SORBS2: variants seen among roughly 807,000 people sequenced by gnomAD.
SORBS2 encodes sorbin and SH3 domain containing 2.
A neutral mutation model predicts 97.7 loss-of-function variants in SORBS2; 46 were observed. The ratio of observed to expected loss-of-function variants is 0.47; its 90% CI spans 0.37 to 0.60. SORBS2 has a LOEUF of 0.60. SORBS2 is among the 20% of genes least tolerant of loss of function. The pLI, the probability that SORBS2 is intolerant of heterozygous loss-of-function variation, is 0.00. For missense variants in SORBS2, 1,316 were observed against 1,282.3 expected (o/e 1.03, Z -0.40); for synonymous variants, 476 against 473.4 (o/e 1.01, Z -0.07).
chr4:185,765,631 A>G (rs2098930229), intron 2 of SORBS2, among the ~76,000 whole-genome samples: 1 of 152,212 alleles, frequency 6.6e-6, no homozygotes, highest in Admixed American at 6.5e-5. Context: ...ATGTGAGACA[A>G]AAAAACACGT....
intron 1 of SORBS2, among the ~76,000 whole-genome samples, chr4:185,952,927 T>C (rs1056306410): frequency 1.3e-5 from 2 of 152,140 alleles, no homozygotes; most frequent in African/African-American, 4.8e-5. Flanking sequence ...CACATTCCCA[T>C]TAAGGTTACA....
At chr4:185,593,520 C>T (rs2096007298) in intron 13 of SORBS2, 2 of 198,202 alleles carry the variant, frequency 1.0e-5, no homozygotes, top group South Asian at 2.4e-4. Context: ...TTTACCGTCT[C>T]CCAGTGGGTG....
At chr4:185,594,935 G>C (rs1382407275) in intron 12 of SORBS2, among the ~76,000 whole-genome samples, 1 of 152,182 alleles carries the variant, frequency 6.6e-6, no homozygotes, top group Non-Finnish European at 1.5e-5. Context: ...ATAGCTATTA[G>C]ATCCATGTCC....
intron 4 of SORBS2, chr4:185,638,086 C>T: frequency 6.3e-7 from 1 of 1,594,096 alleles, no homozygotes; most frequent in Non-Finnish European, 8.6e-7. Flanking sequence ...TACCGGGCGT[C>T]CAAACTCCAG....
At chr4:185,638,207 C>A (rs776518258) in intron 4 of SORBS2, 45 bp from the exon 15 acceptor site, 22 of 1,170,472 alleles carry the variant, frequency 1.9e-5, no homozygotes, top group Non-Finnish European at 2.6e-5. Flanking sequence ...GCACACTGAG[C>A]AAAGTGAGGG....
chr4:185,884,739 A>T (rs756939928), intron 1 of SORBS2, among the ~76,000 whole-genome samples: 34 of 152,304 alleles, frequency 2.2e-4, no homozygotes, highest in Middle Eastern at 3.4e-3. Flanking sequence ...GACTCCTAAG[A>T]GGTTTCCAAC....
At chr4:185,767,403 G>A (rs1390119984) in intron 2 of SORBS2, among the ~76,000 whole-genome samples, 2 of 142,076 alleles carry the variant, frequency 1.4e-5, no homozygotes, top group African/African-American at 2.6e-5. Flanking sequence ...GGGAGGCTGA[G>A]GCAGGGGAAT....
intron 1 of SORBS2, among the ~76,000 whole-genome samples, chr4:185,914,089 T>C (rs1054379178): frequency 2.6e-5 from 4 of 152,250 alleles, no homozygotes; most frequent in Non-Finnish European, 5.9e-5. Flanking sequence ...CTCTTCAGTC[T>C]GAAATTCCAT....
chr4:185,770,081 ATT>A (rs34286752), intron 2 of SORBS2, among the ~76,000 whole-genome samples: 24 of 145,804 alleles, frequency 1.6e-4, no homozygotes, highest in South Asian at 2.2e-4. Flanking sequence ...GCCGGATGGC[ATT>A]TTTTTTTTTT....
chr4:185,937,487 G>A (rs914719846), intron 1 of SORBS2, among the ~76,000 whole-genome samples: 2 of 152,198 alleles, frequency 1.3e-5, no homozygotes, highest in African/African-American at 2.4e-5. Flanking sequence ...GCACTAAAGT[G>A]CTTAACTTCA....
At chr4:185,908,352 CAT>C (rs1223931562) in intron 1 of SORBS2, among the ~76,000 whole-genome samples, 3 of 103,276 alleles carry the variant, frequency 2.9e-5, no homozygotes, top group East Asian at 6.1e-4. Context: ...TATATATACA[CAT>C]ATATATACAT....
At chr4:185,896,167 A>G (rs1048579756) in intron 1 of SORBS2, among the ~76,000 whole-genome samples, 2 of 152,238 alleles carry the variant, frequency 1.3e-5, no homozygotes, top group Non-Finnish European at 2.9e-5. Flanking sequence ...GGAATTTGTC[A>G]TGGGAAATAG....
chr4:185,624,103 G>A (rs2096768193), exon 7 of SORBS2: 2 of 1,614,204 alleles, frequency 1.2e-6, no homozygotes, highest in South Asian at 2.2e-5. Flanking sequence ...ACCTGTGTCT[G>A]ATCCTTGATC....
intron 1 of SORBS2, among the ~76,000 whole-genome samples, chr4:185,781,522 C>G (rs1026258284): frequency 6.1e-5 from 9 of 146,736 alleles, no homozygotes; most frequent in Non-Finnish European, 7.7e-5. Context: ...CATTGCCTCC[C>G]GCCTCTCCAG....
chr4:185,608,071 T>C (rs749148969), intron 12 of SORBS2, among the ~76,000 whole-genome samples: 3 of 152,186 alleles, frequency 2.0e-5, no homozygotes, highest in African/African-American at 4.8e-5. Flanking sequence ...TAGTAGAGTA[T>C]AAATGACTCC....
chr4:185,702,657 G>T lies in SORBS2; in HGVS notation c.-197-23835C>A, dbSNP rs1340621624. On this transcript the variant is annotated intron_variant, in intron 2 of 20. Transcript: ENST00000284776. The stretch of plus-strand genomic sequence containing the variant: ...CAGGTATGTGCTCTTAATGTTACAT[G>T]ACTTTTTTTTTTTTTATTGTACTAA... Among the ~76,000 whole-genome samples, 5 of 129,226 alleles carry T rather than the reference G, an allele frequency of 3.9e-5. No individual in the cohort carries two copies. The East Asian group carries it at 9.1e-4, about 24-fold the overall frequency. 84.8% of individuals were successfully genotyped at this position (129,226 alleles called of 152,430 possible).
Position 185,795,556 on chromosome 4 carries a change from C to A in SORBS2, c.-337-20190G>T, listed in dbSNP as rs193016412. Among the ~76,000 whole-genome samples the A allele has an allele frequency of 3.9e-5, 6 of 151,940 alleles. No individual in the cohort carries two copies. The East Asian group carries it at 9.7e-4, about 24-fold the overall frequency. ...GATGTGTTATCCTGCAAAATACACA[C>A]AAGATGCGAAAAAAAAGAATGTCAA... On this transcript the variant is annotated intron_variant, in intron 1 of 20. Transcript: ENST00000284776.
intron 1 of SORBS2, among the ~76,000 whole-genome samples, chr4:185,904,820 A>G (rs569641423): frequency 6.6e-6 from 1 of 152,314 alleles, no homozygotes; most frequent in African/African-American, 2.4e-5. Flanking sequence ...GGTAAAAGAA[A>G]TAGGCCGGGC....
intron 1 of SORBS2, among the ~76,000 whole-genome samples, chr4:185,789,141 T>G (rs531853984): frequency 6.6e-6 from 1 of 152,214 alleles, no homozygotes; most frequent in Non-Finnish European, 1.5e-5. Context: ...GTTTGGGATG[T>G]TTATACTCTT....
Sources: allele counts gnomAD v4.1 joint callset (sites outside exome capture counted in the v4.1 genomes callset), GRCh38; gene constraint gnomAD v4.1.1; transcripts MANE v1.5; gene names NCBI Gene and HGNC (gene_info 2026-07-23, HGNC 2026-07-21).